POLE2: variants seen among roughly 807,000 people sequenced by gnomAD.
POLE2 encodes DNA polymerase epsilon 2, accessory subunit.
POLE2 carries 56 observed loss-of-function variants against 79.4 expected under a neutral mutation model. The observed-to-expected ratio is 0.71, with a 90% CI of 0.57 to 0.88. POLE2 has a LOEUF of 0.88. POLE2 is among the 40% of genes least tolerant of loss of function. The pLI is 0.00. For missense variants in POLE2, 598 were observed against 638.9 expected (o/e 0.94, Z 0.69); for synonymous variants, 212 against 214.0 (o/e 0.99, Z 0.08).
chr14:49,649,137 CTTTTTTTTTT>C (rs374201091), intron 17 of POLE2, among the ~76,000 whole-genome samples: 8 of 108,784 alleles, frequency 7.4e-5, no homozygotes, highest in Admixed American at 5.5e-4. Context: ...ATTTCTTTCC[CTTTTTTTTTT>C]TTTTTTTTTT....
At chr14:49,669,667 G>GC in intron 5 of POLE2, 69 bp from the exon 6 acceptor site, 1 of 805,734 alleles carries the variant, frequency 1.2e-6, no homozygotes, top group East Asian at 2.5e-5. Flanking sequence ...TTAAAATAGT[G>GC]CCCTGATGAA....
intron 2 of POLE2, among the ~76,000 whole-genome samples, chr14:49,683,170 G>A (rs1347895105): frequency 6.6e-6 from 1 of 152,174 alleles, no homozygotes; most frequent in Non-Finnish European, 1.5e-5. Flanking sequence ...GGGAGGCCGA[G>A]GCAGGTGGAC....
chr14:49,688,073 C>T, intron 1 of POLE2, 63 bp downstream of exon 1: 3 of 1,331,558 alleles, frequency 2.3e-6, no homozygotes, highest in South Asian at 1.3e-5. Context: ...GTCCCGCTGC[C>T]GCACCAGGCA....
chr14:49,644,730 T>C (rs1446072879), intron 18 of POLE2, among the ~76,000 whole-genome samples: 2 of 151,950 alleles, frequency 1.3e-5, no homozygotes. Flanking sequence ...ATTTTTAAAA[T>C]TTCTTGGTAT....
intron 3 of POLE2, among the ~76,000 whole-genome samples, chr14:49,675,399 A>C (rs1886201555): frequency 6.6e-6 from 1 of 151,708 alleles, no homozygotes; most frequent in Non-Finnish European, 1.5e-5. Context: ...CTACAGTATT[A>C]TTAAAGGATA....
chr14:49,653,979 C>T lies in POLE2; in HGVS notation c.1211+11G>A, dbSNP rs2139620596. ...AAGGAAAAATGTATAACACAAAATA[C>T]TAATTCTTACCTGCAAGGATTAGTA... On this transcript the variant is annotated intron_variant, in intron 15 of 18. Transcript: ENST00000216367. 6.9e-7 allele frequency: 1 copy of T among 1,448,330 alleles called. No individual in the cohort carries two copies. The highest frequency in any genetic ancestry group is 9.7e-7 in the Non-Finnish European group (1 of 1,034,446). The allele number at this position is 1,448,330 out of a possible 1,614,324, so 89.7% of individuals were successfully genotyped here. A position where few individuals can be genotyped will look rare whatever the true frequency, so the allele number is the denominator to read the frequency against.
chr14:49,671,511 G>A (rs778167094), intron 5 of POLE2, among the ~76,000 whole-genome samples: 2 of 151,686 alleles, frequency 1.3e-5, no homozygotes, highest in African/African-American at 2.4e-5. Context: ...CAGCTACTCG[G>A]GAGGCTGAGG....
chr14:49,680,537 A>G (rs1325632170), intron 2 of POLE2, among the ~76,000 whole-genome samples: 1 of 152,200 alleles, frequency 6.6e-6, no homozygotes, highest in African/African-American at 2.4e-5. Flanking sequence ...TCCACTGGGT[A>G]GATGTCCTGT....
chr14:49,658,987 A>G, intron 10 of POLE2, among the ~76,000 whole-genome samples: 1 of 152,196 alleles, frequency 6.6e-6, no homozygotes, highest in Middle Eastern at 3.2e-3. Flanking sequence ...CAGCTCCATG[A>G]ATTATTGCCC....
intron 17 of POLE2, among the ~76,000 whole-genome samples, chr14:49,649,899 C>T (rs1408034129): frequency 1.3e-5 from 2 of 152,120 alleles, no homozygotes; most frequent in African/African-American, 4.8e-5. Context: ...GTGCAATTTC[C>T]AAAAATCAAA....
Position 49,674,109 on chromosome 14 carries a change from C to T in POLE2, c.417+14G>A. The T allele has an allele frequency of 6.7e-7, 1 of 1,481,628 alleles. No homozygotes were observed. Among genetic ancestry groups the T allele is most frequent in the South Asian group, 1.1e-5 (1 of 88,378 alleles). 91.8% of individuals were successfully genotyped at this position (1,481,628 alleles called of 1,614,324 possible). On this transcript the variant is annotated intron_variant, in intron 5 of 18. Transcript: ENST00000216367. ...TTACCCAGTATCCTCCCCTCCGCCC[C>T]CTACCAAACTTACCTGGTGCAAAAT...
intron 15 of POLE2, among the ~76,000 whole-genome samples, chr14:49,652,526 ATCGGT>A (rs775893675): frequency 6.6e-6 from 1 of 152,092 alleles, no homozygotes; most frequent in Non-Finnish European, 1.5e-5. Context: ...GCCACTCCCC[ATCGGT>A]TGTATTACAT....
At chr14:49,678,800 G>A (rs1042849108) in intron 3 of POLE2, among the ~76,000 whole-genome samples, 1 of 151,912 alleles carries the variant, frequency 6.6e-6, no homozygotes, top group Non-Finnish European at 1.5e-5. Context: ...GGGATTACAG[G>A]TGCGCCCCAC....
At position 49,688,200 on chromosome 14, in the gene POLE2, C is replaced by T; in HGVS notation, c.4G>A (p.Ala2Thr). 1 of 1,529,318 alleles carries T rather than the reference C, an allele frequency of 6.5e-7. No homozygotes were observed. The highest frequency in any genetic ancestry group is 8.8e-7 in the Non-Finnish European group (1 of 1,139,922). 94.7% of individuals were successfully genotyped at this position (1,529,318 alleles called of 1,614,324 possible). The change falls in exon 1 of 19, where the codon GCG (alanine) becomes ACG (threonine). Residue 2 changes from alanine (A) to threonine (T), a missense_variant. Ala to Thr is a moderately conservative substitution (Grantham distance 58, BLOSUM62 0). Transcript: ENST00000216367. ...GCCCGGCTCCGCAGCCGCTCCGGCG[C>T]CATATTTGCGATTTGGCGCCACCGC... is the stretch of plus-strand genomic sequence containing the variant. M[A>T]PERLRSRALS...
chr14:49,669,648 TAA>T (rs1289647913), intron 5 of POLE2, 50 bp from the exon 6 acceptor site: 9 of 931,148 alleles, frequency 9.7e-6, no homozygotes, highest in African/African-American at 1.6e-5. Flanking sequence ...CATTTAAATA[TAA>T]GATTCATTAA....
chr14:49,650,185 A>T, intron 17 of POLE2, 80 bp downstream of exon 17: 1 of 675,456 alleles, frequency 1.5e-6, no homozygotes, highest in Middle Eastern at 4.3e-4. Flanking sequence ...CAATAATCTT[A>T]TTAAATATAT....
intron 3 of POLE2, among the ~76,000 whole-genome samples, chr14:49,675,382 C>A (rs1287910142): frequency 6.6e-6 from 1 of 152,074 alleles, no homozygotes; most frequent in Non-Finnish European, 1.5e-5. Flanking sequence ...CTGCGCCCGG[C>A]CATGAGCTAC....
chr14:49,656,925 A>G (rs1278226581), intron 10 of POLE2, among the ~76,000 whole-genome samples: 2 of 152,238 alleles, frequency 1.3e-5, no homozygotes, highest in Middle Eastern at 3.4e-3. Context: ...CCTGACCAAC[A>G]TGGTGAAATC....
chr14:49,654,284 TTATTCCC>T, intron 13 of POLE2, 70 bp from the exon 14 acceptor site: 1 of 990,294 alleles, frequency 1.0e-6, no homozygotes, highest in South Asian at 1.5e-5. Flanking sequence ...TAAAAGCAAG[TTATTCCC>T]TTTGTTTTCT....
Sources: allele counts gnomAD v4.1 joint callset (sites outside exome capture counted in the v4.1 genomes callset), GRCh38; gene constraint gnomAD v4.1.1; transcripts MANE v1.5; gene names NCBI Gene and HGNC (gene_info 2026-07-23, HGNC 2026-07-21).